CNMD: variants seen among roughly 807,000 people sequenced by gnomAD.
The protein encoded by CNMD is chondromodulin.
Under a neutral mutation model 37.5 loss-of-function variants are expected in CNMD, and 30 were observed. That is an observed-to-expected ratio of 0.80 (90% CI 0.60 to 1.09). CNMD has a LOEUF of 1.09. Among genes scored for constraint, CNMD ranks in the 50% least tolerant of loss-of-function variants. CNMD has a pLI of 0.00. For synonymous variants in CNMD, 167 were observed against 148.2 expected (o/e 1.13, Z -0.92); for missense variants, 398 against 423.9 (o/e 0.94, Z 0.54).
chr13:52,735,063 G>GTCA (rs66522182), intron 2 of CNMD, among the ~76,000 whole-genome samples: 4 of 122,798 alleles, frequency 3.3e-5, no homozygotes, highest in Non-Finnish European at 7.1e-5. Context: ...GCAATTTACT[G>GTCA]TCTCCTAGGC....
chr13:52,734,025 T>A (rs1446093869), intron 2 of CNMD, among the ~76,000 whole-genome samples: 1 of 152,224 alleles, frequency 6.6e-6, no homozygotes, highest in Non-Finnish European at 1.5e-5. Flanking sequence ...AAAATGGTAG[T>A]ACTCCCTGAA....
intron 2 of CNMD, among the ~76,000 whole-genome samples, chr13:52,737,530 T>G (rs572051563): frequency 6.6e-6 from 1 of 152,332 alleles, no homozygotes; most frequent in South Asian, 2.1e-4. Context: ...ATCTCTCTTT[T>G]TAGAAGCCTG....
At chr13:52,733,498 A>G in intron 2 of CNMD, 139 bp from the exon 3 acceptor site, 1 of 775,858 alleles carries the variant, frequency 1.3e-6, no homozygotes, top group South Asian at 1.4e-5. Context: ...ACATTTATAT[A>G]TGATGACTTC....
At chr13:52,729,926 C>T (rs1159080760) in intron 3 of CNMD, among the ~76,000 whole-genome samples, 2 of 151,328 alleles carry the variant, frequency 1.3e-5, no homozygotes, top group African/African-American at 4.9e-5. Flanking sequence ...TGAGCTGCAC[C>T]CATTAACTCG....
intron 3 of CNMD, among the ~76,000 whole-genome samples, chr13:52,732,442 G>A (rs1964688253): frequency 1.3e-5 from 2 of 152,178 alleles, no homozygotes; most frequent in African/African-American, 4.8e-5. Flanking sequence ...CAAATTGCCT[G>A]TAAATGAAAT....
chr13:52,719,155 C>CT (rs1211601128), intron 4 of CNMD, among the ~76,000 whole-genome samples: 1 of 152,098 alleles, frequency 6.6e-6, no homozygotes, highest in Non-Finnish European at 1.5e-5. Context: ...GCAACCCCTG[C>CT]TTTTTTTGCT....
At chr13:52,736,211 G>T (rs1418759983) in intron 2 of CNMD, among the ~76,000 whole-genome samples, 2 of 152,320 alleles carry the variant, frequency 1.3e-5, no homozygotes, top group Middle Eastern at 3.4e-3. Flanking sequence ...AGCCAGGATG[G>T]TCTCCATCTC....
Position 52,733,290 on chromosome 13 carries a change from C to T in CNMD, c.283G>A (p.Gly95Arg). ...LQDGSMEIDA[G>R]NNLETFKMGS... The stretch of plus-strand genomic sequence containing the variant: ...ATTTTAAAGGTCTCCAAGTTGTTCC[C>T]AGCGTCTATTTCCATTGACCCATCT... The change falls in exon 3 of 7, where the codon GGG becomes AGG. Residue 95 changes from glycine to arginine, a missense_variant. By Grantham distance (125) the Gly-to-Arg change is moderately radical (BLOSUM62 -2). Transcript: ENST00000377962. 1 of 1,613,832 alleles carries T rather than the reference C, an allele frequency of 6.2e-7. No individual in the cohort carries two copies. The highest frequency in any genetic ancestry group is 8.5e-7 in the Non-Finnish European group (1 of 1,179,700).
chr13:52,708,551 A>C lies in CNMD; in HGVS notation c.774T>G (p.Pro258=). The C allele has an allele frequency of 6.2e-7, 1 of 1,610,436 alleles. No individual in the cohort carries two copies. Among genetic ancestry groups the C allele is most frequent in the Non-Finnish European group, 8.5e-7 (1 of 1,179,130 alleles). ...CGGAACGCACATGATAAGGATTATC[A>C]GGATTGAAGGCTTGTGAGTCCTCTT... ...SVQEDSQAFN[P]DNPYHQQEGE... is the part of the protein sequence containing the mutation. The change falls in exon 6 of 7, where the codon CCT becomes CCG. Residue 258 remains proline, a synonymous_variant. Transcript: ENST00000377962.
In CNMD at chr13:52,709,002, G is replaced by A. The variant is rs76912460; in HGVS notation, c.623-300C>T. 7.7e-3 allele frequency among the ~76,000 whole-genome samples: 1,174 copies of A among 152,136 alleles called. 9 individuals are homozygous for A. Among genetic ancestry groups the A allele is most frequent in the African/African-American group, 0.027 (1,101 of 41,510 alleles). On this transcript the variant is annotated intron_variant, in intron 5 of 6. Transcript: ENST00000377962. ...TCTTTTGGTCTGCCTTCACTACTGG[G>A]GCTGAGAAAATAAAACACCATTCAT...
At chr13:52,716,309 G>A (rs939481384) in intron 4 of CNMD, among the ~76,000 whole-genome samples, 9 of 152,038 alleles carry the variant, frequency 5.9e-5, no homozygotes, top group South Asian at 4.1e-4. Flanking sequence ...GCCTCTTCAC[G>A]CTGATGATAG....
chr13:52,734,654 A>C (rs1254910297), intron 2 of CNMD, among the ~76,000 whole-genome samples: 1 of 151,892 alleles, frequency 6.6e-6, no homozygotes, highest in Non-Finnish European at 1.5e-5. Context: ...ATTATAGATT[A>C]TATATACACA....
chr13:52,714,732 C>A (rs1170185631), intron 4 of CNMD, among the ~76,000 whole-genome samples: 1 of 151,970 alleles, frequency 6.6e-6, no homozygotes. Flanking sequence ...CAATAATAAG[C>A]ATGTACAACA....
Position 52,724,060 on chromosome 13 carries a change from C to G in CNMD, c.405G>C (p.Ala135=). The change falls in exon 4 of 7, where the codon GCG becomes GCC. Residue 135 remains alanine (A), a synonymous_variant. Transcript: ENST00000377962. ...FAGGEKCYIK[A]QVKARIPEVG... ...CCTCAGGAATACGAGCCTTCACTTG[C>G]GCTTTAATGTAGCACTTCTCTCCTC... The G allele has an allele frequency of 1.2e-6, 2 of 1,614,072 alleles. No individual in the cohort carries two copies. Among genetic ancestry groups the G allele is most frequent in the Non-Finnish European group, 1.7e-6 (2 of 1,179,990 alleles).
chr13:52,736,582 G>A (rs1465183243), intron 2 of CNMD, among the ~76,000 whole-genome samples: 1 of 152,190 alleles, frequency 6.6e-6, no homozygotes, highest in Non-Finnish European at 1.5e-5. Context: ...TGGGCTGTTG[G>A]AGCAGCAATT....
intron 6 of CNMD, among the ~76,000 whole-genome samples, chr13:52,706,396 C>G (rs1964173998): frequency 6.6e-6 from 1 of 152,168 alleles, no homozygotes; most frequent in African/African-American, 2.4e-5. Context: ...AGGCACAATA[C>G]TAATAGCTAA....
At position 52,703,275 on chromosome 13, in the gene CNMD, CTG is replaced by C. The variant is rs71772282; in HGVS notation, c.*318_*319del. 0.038 allele frequency: 8,110 copies of C among 211,120 alleles called. 202 individuals carry two copies. The highest frequency in any genetic ancestry group is 0.061 in the South Asian group (410 of 6,688). The allele number at this position is 211,120 out of a possible 1,614,324, so 13.1% of individuals were successfully genotyped here. ...GTGTACAATTGAGATTTTTGGCAAA[CTG>C]TAAATTTTCATGTTTATTTCAAAAT... On this transcript the variant is annotated 3_prime_UTR_variant, in exon 7 of 7. Transcript: ENST00000377962.
intron 5 of CNMD, among the ~76,000 whole-genome samples, chr13:52,712,476 A>T (rs1010387253): frequency 6.6e-6 from 1 of 152,184 alleles, no homozygotes; most frequent in Non-Finnish European, 1.5e-5. Flanking sequence ...AGGTAATGCC[A>T]TGGCATTGTC....
At chr13:52,725,887 C>A (rs191146548) in intron 3 of CNMD, among the ~76,000 whole-genome samples, 3 of 152,294 alleles carry the variant, frequency 2.0e-5, no homozygotes, top group Admixed American at 2.0e-4. Context: ...GATAGCTCTA[C>A]CTTATGTAGT....
Sources: gnomAD v4.1 joint callset for allele counts (sites outside exome capture counted in the v4.1 genomes callset) on GRCh38, gnomAD v4.1.1 for gene constraint, MANE v1.5 for transcripts, NCBI Gene and HGNC (gene_info 2026-07-23, HGNC 2026-07-21) for gene names.